SRSF11: variants seen among roughly 807,000 people sequenced by gnomAD.
The protein encoded by SRSF11 is serine/arginine-rich splicing factor 11.
SRSF11 carries 9 observed loss-of-function variants against 56.0 expected under a neutral mutation model. That is an observed-to-expected ratio of 0.16 (90% CI 0.10 to 0.28). The LOEUF is 0.28. Among genes scored for constraint, SRSF11 ranks in the 10% least tolerant of loss-of-function variants. SRSF11 has a pLI of 1.00. For missense variants in SRSF11, 421 were observed against 600.7 expected, an observed-to-expected ratio of 0.70 and a Z score of 3.13; for synonymous variants, 222 against 215.3, an observed-to-expected ratio of 1.03 and a Z score of -0.27.
intron 3 of SRSF11, among the ~76,000 whole-genome samples, chr1:70,233,524 G>C (rs1673296261): frequency 6.6e-6 from 1 of 152,222 alleles, no homozygotes; most frequent in Non-Finnish European, 1.5e-5. Flanking sequence ...ACAGGCGTGA[G>C]CCACCGCGCC....
intron 1 of SRSF11, among the ~76,000 whole-genome samples, chr1:70,227,205 A>G (rs539578922): frequency 6.6e-6 from 1 of 152,120 alleles, no homozygotes; most frequent in Non-Finnish European, 1.5e-5. Context: ...ATGAATCTGA[A>G]ATTCTTAGTA....
chr1:70,239,485 T>G lies in SRSF11; in HGVS notation c.765T>G (p.Ser255=), dbSNP rs750802581. The change falls in exon 7 of 12, where the codon TCT becomes TCG. Residue 255 remains serine, a synonymous_variant. Coordinates refer to ENST00000370949, the MANE Select transcript of SRSF11 (RefSeq NM_001350605.2). Reference sequence around the variant, plus strand: ...GGCATTCAAGATCAAGATCACGTTCTAGGAGGAGGAGGACTCCCTCATCTT... The same window carrying G: ...GGCATTCAAGATCAAGATCACGTTCGAGGAGGAGGAGGACTCCCTCATCTT... ...KRRHSRSRSR[S]RRRRTPSSSR... The G allele has an allele frequency of 3.7e-6, 6 of 1,609,746 alleles. 1 individual carries two copies. In the South Asian group the frequency reaches 5.5e-5, roughly 15 times the overall value.
Position 70,250,989 on chromosome 1 carries a change from G to C in SRSF11, c.*184G>C. Reference sequence around the variant, plus strand: ...AAAAAGCTTTTAGAAAATGGTACGAGGTAACCAATTCTTGTCATGGTGAAA... The same window carrying C: ...AAAAAGCTTTTAGAAAATGGTACGACGTAACCAATTCTTGTCATGGTGAAA... On this transcript the variant is annotated 3_prime_UTR_variant, in exon 12 of 12. Coordinates refer to ENST00000370949, the MANE Select transcript of SRSF11 (RefSeq NM_001350605.2). 1 of 551,736 alleles carries C rather than the reference G, an allele frequency of 1.8e-6. No homozygotes were observed. Among genetic ancestry groups the C allele is most frequent in the South Asian group, 2.8e-5 (1 of 36,352 alleles). 34.2% of individuals were successfully genotyped at this position (551,736 alleles called of 1,614,324 possible). A position where few individuals can be genotyped will look rare whatever the true frequency, so the allele number is the denominator to read the frequency against.
chr1:70,221,511 C>G lies in SRSF11; in HGVS notation c.-126C>G, dbSNP rs1474639850. The G allele has an allele frequency of 1.5e-6, 2 of 1,299,180 alleles. No individual in the cohort carries two copies. Among genetic ancestry groups the G allele is most frequent in the African/African-American group, 1.5e-5 (1 of 65,666 alleles). The allele number at this position is 1,299,180 out of a possible 1,614,324, so 80.5% of individuals were successfully genotyped here. A position where few individuals can be genotyped will look rare whatever the true frequency, so the allele number is the denominator to read the frequency against. Reference sequence around the variant, plus strand: ...GCGGCGGCGGCGGCGGCATCGGCAGCAGTAGCAGAGGCTGTAGCATCGGAC... The same window carrying G: ...GCGGCGGCGGCGGCGGCATCGGCAGGAGTAGCAGAGGCTGTAGCATCGGAC... On this transcript the variant is annotated 5_prime_UTR_variant, in exon 1 of 12. Transcript: ENST00000370949.
At chr1:70,206,674 A>C (rs1669058324) in intron 1 of SRSF11, among the ~76,000 whole-genome samples, 1 of 152,138 alleles carries the variant, frequency 6.6e-6, no homozygotes, top group Admixed American at 6.5e-5. Context: ...TCTACTGAGG[A>C]TTGGTAGAAT....
intron 1 of SRSF11, among the ~76,000 whole-genome samples, chr1:70,206,871 C>A (rs1571526029): frequency 6.8e-6 from 1 of 148,058 alleles, no homozygotes; most frequent in African/African-American, 2.5e-5. Context: ...ACTAAAAAAG[C>A]AAAGAGTGGA....
chr1:70,244,546 A>G lies in SRSF11; in HGVS notation c.801-138A>G, dbSNP rs760067931. ...TGAAGGTGTTTGTTCTATGGGCTAA[A>G]TAATAGCAAATGGAAGGGAATTATC... On this transcript the variant is annotated intron_variant, in intron 7 of 11. Coordinates refer to ENST00000370949, the MANE Select transcript of SRSF11 (RefSeq NM_001350605.2). 271 of 922,020 alleles carry G rather than the reference A, an allele frequency of 2.9e-4. 1 individual carries two copies. The highest frequency in any genetic ancestry group is 4.0e-4 in the Non-Finnish European group (252 of 630,222). The allele number at this position is 922,020 out of a possible 1,614,324, so 57.1% of individuals were successfully genotyped here. A position where few individuals can be genotyped will look rare whatever the true frequency, so the allele number is the denominator to read the frequency against.
chr1:70,219,980 A>G (rs1420973354), upstream of SRSF11, among the ~76,000 whole-genome samples: 1 of 152,228 alleles, frequency 6.6e-6, no homozygotes, highest in African/African-American at 2.4e-5. Context: ...TAAAACTTTT[A>G]CCTCTAAAAA....
At chr1:70,231,460 G>T in intron 2 of SRSF11, 1 of 1,051,916 alleles carries the variant, frequency 9.5e-7, no homozygotes, top group Non-Finnish European at 1.2e-6. Flanking sequence ...GTCATTTTTG[G>T]CTTAAGGAGT....
intron 2 of SRSF11, chr1:70,231,027 G>A: frequency 7.8e-7 from 1 of 1,288,248 alleles, no homozygotes; most frequent in African/African-American, 1.5e-5. Context: ...GCACTTCTCA[G>A]TATAGGTGGA....
rs533411919 is a variant in SRSF11, at chr1:70,213,684, A to G, written c.-26+7904A>G. Among the ~76,000 whole-genome samples the G allele has an allele frequency of 4.6e-5, 7 of 152,296 alleles. No homozygotes were observed. In the South Asian group the frequency reaches 1.4e-3, roughly 32 times the overall value. Reference sequence around the variant, plus strand: ...CTTTATTTATAGAATAGTCATTATAATAGTAATTTATTCTAAGCATTTGTA... The same window carrying G: ...CTTTATTTATAGAATAGTCATTATAGTAGTAATTTATTCTAAGCATTTGTA... On this transcript the variant is annotated intron_variant, in intron 1 of 12. Transcript: ENST00000370950.
rs565769512 is a variant in SRSF11, at chr1:70,222,067, AT to A, written c.203+238del. ...AAACACTGGCTGTTATTCTCGGGAA[AT>A]TTTTTTTTTCCGCCTTAAATTGTGC... On this transcript the variant is annotated intron_variant, in intron 1 of 11. Transcript: ENST00000370949. 5.3e-5 allele frequency among the ~76,000 whole-genome samples: 8 copies of A among 150,452 alleles called. No individual in the cohort carries two copies. In the East Asian group the frequency reaches 5.8e-4, roughly 11 times the overall value.
At chr1:70,246,646 G>A in intron 8 of SRSF11, 172 bp from the exon 9 acceptor site, 1 of 456,978 alleles carries the variant, frequency 2.2e-6, no homozygotes, top group Non-Finnish European at 4.0e-6. Context: ...AGAAGTTATT[G>A]TACTTCAAAT....
At position 70,250,800 on chromosome 1, in the gene SRSF11, G is replaced by A; in HGVS notation, c.1450G>A (p.Asp484Asn). The A allele has an allele frequency of 6.2e-7, 1 of 1,613,626 alleles. No individual in the cohort carries two copies. Among genetic ancestry groups the A allele is most frequent in the Non-Finnish European group, 8.5e-7 (1 of 1,179,764 alleles). Residue 484 changes from aspartate to asparagine, a missense_variant, in exon 12 of 12, where the codon GAC (aspartate) becomes AAC (asparagine). Transcript: ENST00000370949. ...DHHEEDMDMS[D>N] ...TCATGAAGAAGACATGGATATGAGT[G>A]ACTGAATATTGCCTCTGAGGGAGTC...
chr1:70,252,059 T>G lies in SRSF11; in HGVS notation c.*1254T>G, dbSNP rs1678034434. 6.6e-6 allele frequency: 1 copy of G among 152,606 alleles called. No homozygotes were observed. The highest frequency in any genetic ancestry group is 6.5e-5 in the Admixed American group (1 of 15,276). 9.5% of individuals were successfully genotyped at this position (152,606 alleles called of 1,614,324 possible). On this transcript the variant is annotated 3_prime_UTR_variant, in exon 12 of 12. Transcript: ENST00000370949. ...TATTTACGCTACTGAATGTATGACA[T>G]TTACCTCATTCATTTTACAAATTCT...
At chr1:70,221,351 G>C, upstream of SRSF11, 1 of 423,636 alleles carries the variant, frequency 2.4e-6, no homozygotes, top group African/African-American at 2.1e-5. Context: ...GCCCTGCGCC[G>C]CAAAGCATTG....
At chr1:70,233,292 C>T (rs902627381) in intron 3 of SRSF11, among the ~76,000 whole-genome samples, 3 of 151,842 alleles carry the variant, frequency 2.0e-5, no homozygotes, top group South Asian at 2.1e-4. Context: ...TCACCCAGGC[C>T]GGAGTGCAAT....
At chr1:70,216,647 G>A (rs1187026252), upstream of SRSF11, among the ~76,000 whole-genome samples, 1 of 151,728 alleles carries the variant, frequency 6.6e-6, no homozygotes, top group Non-Finnish European at 1.5e-5. Flanking sequence ...TTGCCAGGCT[G>A]GTCTCAAACA....
At chr1:70,231,867 C>T in intron 2 of SRSF11, 1 of 1,483,100 alleles carries the variant, frequency 6.7e-7, no homozygotes, top group Non-Finnish European at 9.0e-7. Flanking sequence ...AGTGAAGCAG[C>T]CGACACGAGT....
Sources: allele counts gnomAD v4.1 joint callset (sites outside exome capture counted in the v4.1 genomes callset), GRCh38; gene constraint gnomAD v4.1.1; transcripts MANE v1.5; gene names NCBI Gene and HGNC (gene_info 2026-07-23, HGNC 2026-07-21).